Variants in SUGP1 observed in about 807,000 individuals in gnomAD.
SUGP1 encodes the protein SURP and G-patch domain containing 1.
SUGP1 carries 34 observed loss-of-function variants against 76.5 expected under a neutral mutation model. The observed-to-expected ratio is 0.44, with a 90% CI of 0.34 to 0.59. SUGP1 has a LOEUF of 0.59. SUGP1 is among the 20% of genes least tolerant of loss of function. SUGP1 has a pLI of 0.01. For missense variants in SUGP1, 752 were observed against 851.7 expected (o/e 0.88, Z 1.46); for synonymous variants, 326 against 326.2 (o/e 1.00, Z 0.01).
chr19:19,298,937 G>A (rs890314826), intron 7 of SUGP1, among the ~76,000 whole-genome samples: 5 of 152,156 alleles, frequency 3.3e-5, no homozygotes, highest in African/African-American at 1.2e-4. Context: ...GCCCATCTCG[G>A]GGAGGGGGTT....
intron 4 of SUGP1, chr19:19,304,128 G>T: frequency 9.2e-7 from 1 of 1,084,668 alleles, no homozygotes; most frequent in Non-Finnish European, 1.3e-6. Context: ...CCTGGTTTTG[G>T]TGGGGGAAAT....
At chr19:19,319,932 T>C (rs2061427594) in intron 1 of SUGP1, among the ~76,000 whole-genome samples, 1 of 152,128 alleles carries the variant, frequency 6.6e-6, no homozygotes, top group Non-Finnish European at 1.5e-5. Flanking sequence ...AGCACACTGC[T>C]TGGCACACAG....
chr19:19,281,545 T>C (rs945486143), intron 8 of SUGP1: 13 of 152,144 alleles, frequency 8.5e-5, no homozygotes, highest in African/African-American at 2.9e-4. Flanking sequence ...CATCCCTGAA[T>C]TGGACGAGCA....
intron 8 of SUGP1, among the ~76,000 whole-genome samples, chr19:19,295,034 T>C (rs1294072139): frequency 6.6e-6 from 1 of 152,080 alleles, no homozygotes; most frequent in Non-Finnish European, 1.5e-5. Context: ...CTGGGTGCAG[T>C]GGCCTGTAAA....
intron 3 of SUGP1, 36 bp downstream of exon 3, chr19:19,310,061 A>T: frequency 6.4e-7 from 1 of 1,558,400 alleles, no homozygotes; most frequent in Non-Finnish European, 8.8e-7. Context: ...GGGGAGATGC[A>T]AGGACAGCAC....
At chr19:19,313,117 G>T (rs190448113) in intron 2 of SUGP1, among the ~76,000 whole-genome samples, 99 of 152,202 alleles carry the variant, frequency 6.5e-4, no homozygotes, top group African/African-American at 2.2e-3. Flanking sequence ...ACAAAGGCCG[G>T]GTGCGGGACC....
In SUGP1 at chr19:19,297,290, C is replaced by T; in HGVS notation, c.942G>A (p.Glu314=). The T allele has an allele frequency of 1.3e-6, 2 of 1,547,422 alleles. No individual in the cohort carries two copies. The highest frequency in any genetic ancestry group is 1.8e-6 in the Non-Finnish European group (2 of 1,142,770). The change falls in exon 8 of 14, where the codon GAG becomes GAA. Residue 314 remains glutamate, a synonymous_variant. Coordinates refer to ENST00000247001, the MANE Select transcript of SUGP1 (RefSeq NM_172231.4). ...AGCTGGCCTTGGCTTTCCGGAACTC[C>T]TCCAGCTTCTGTCGGTAGTACTTGT... ...QGYKYYRQKL[E]EFRKAKASST... is the part of the protein sequence containing the mutation.
intron 3 of SUGP1, 88 bp from the exon 4 acceptor site, chr19:19,306,164 G>T: frequency 2.3e-6 from 3 of 1,303,530 alleles, no homozygotes; most frequent in Non-Finnish European, 2.0e-6. Flanking sequence ...TGGGCCCCGG[G>T]GGAGCTGGGT....
chr19:19,301,924 A>C, intron 7 of SUGP1: 2 of 311,542 alleles, frequency 6.4e-6, no homozygotes, highest in Non-Finnish European at 6.0e-6. Context: ...AGTACTGTGA[A>C]TTTCCACTTG....
intron 5 of SUGP1, 76 bp downstream of exon 5, chr19:19,303,648 G>A: frequency 6.4e-7 from 1 of 1,565,888 alleles, no homozygotes; most frequent in Non-Finnish European, 8.8e-7. Context: ...ACACTAGCAA[G>A]CACCCAGCCC....
rs1210511780 is a variant in SUGP1 at position 19,303,815 on chromosome 19, C to A, written c.571G>T (p.Val191Leu). The change falls in exon 5 of 14, where the codon GTG (valine) becomes TTG (leucine). Residue 191 changes from valine (V) to leucine (L), a missense_variant. This residue lies in a region of SUGP1 where 620 missense variants were observed against 617.3 expected (regional missense o/e 1.00). Coordinates refer to ENST00000247001, the MANE Select transcript of SUGP1 (RefSeq NM_172231.4). The part of the protein sequence containing the change: ...SPPEGAETRK[V>L]IEKLARFVAE... ...ACAAAGCGGGCCAATTTCTCTATCA[C>A]TTTCCGAGTCTCGGCTCCCTCTGGG... The A allele has an allele frequency of 5.0e-6, 8 of 1,614,090 alleles. No homozygotes were observed. The highest frequency in any genetic ancestry group is 8.5e-7 in the Non-Finnish European group (1 of 1,180,052).
intron 13 of SUGP1, 65 bp downstream of exon 13, chr19:19,276,882 C>G (rs1359610950): frequency 6.3e-7 from 1 of 1,597,758 alleles, no homozygotes; most frequent in African/African-American, 1.3e-5. Flanking sequence ...GGAAGGGAGC[C>G]TTCTGTTCCT....
chr19:19,282,596 C>T (rs1050992377), intron 8 of SUGP1, among the ~76,000 whole-genome samples: 3 of 152,032 alleles, frequency 2.0e-5, no homozygotes, highest in Non-Finnish European at 4.4e-5. Context: ...TAGATGCTAC[C>T]GCCTACTGCA....
intron 4 of SUGP1, 124 bp from the exon 5 acceptor site, chr19:19,303,971 T>C (rs1452966293): frequency 6.3e-7 from 1 of 1,597,090 alleles, no homozygotes. Context: ...CAGGAGGCTG[T>C]CGGGCGTCCC....
chr19:19,285,335 T>G (rs1001691510), intron 8 of SUGP1, among the ~76,000 whole-genome samples: 1 of 151,920 alleles, frequency 6.6e-6, no homozygotes, highest in African/African-American at 2.4e-5. Flanking sequence ...ACAGCTAATT[T>G]TTTGTATTTT....
chr19:19,290,289 A>G (rs1028408414), intron 8 of SUGP1, among the ~76,000 whole-genome samples: 1 of 152,210 alleles, frequency 6.6e-6, no homozygotes, highest in Non-Finnish European at 1.5e-5. Context: ...ACATAAATCT[A>G]TACAAGGAGA....
intron 12 of SUGP1, among the ~76,000 whole-genome samples, chr19:19,277,284 A>T (rs1457680583): frequency 6.7e-6 from 1 of 148,618 alleles, no homozygotes; most frequent in Non-Finnish European, 1.5e-5. Context: ...AGGGTCCCAC[A>T]CAGGAAGGAG....
intron 4 of SUGP1, among the ~76,000 whole-genome samples, chr19:19,304,212 G>A (rs1028655544): frequency 8.5e-5 from 13 of 152,088 alleles, no homozygotes; most frequent in African/African-American, 2.7e-4. Context: ...AAGATGACAC[G>A]TTCTTTTTTA....
At chr19:19,298,863 G>A (rs1043044088) in intron 7 of SUGP1, among the ~76,000 whole-genome samples, 9 of 152,140 alleles carry the variant, frequency 5.9e-5, no homozygotes, top group Admixed American at 5.9e-4. Flanking sequence ...GGTCTCAGCT[G>A]GTGCTTCACC....
Sources: gnomAD v4.1 joint callset for allele counts (sites outside exome capture counted in the v4.1 genomes callset) on GRCh38, gnomAD v4.1.1 for gene constraint, gnomAD v4.1.1 regional missense constraint, MANE v1.5 for transcripts, NCBI Gene and HGNC (gene_info 2026-07-23, HGNC 2026-07-21) for gene names.